YLPM1: variants seen among roughly 807,000 people sequenced by gnomAD.
The protein encoded by YLPM1 is YLP motif-containing protein 1.
A neutral mutation model predicts 230.0 loss-of-function variants in YLPM1; 99 were observed. That is an observed-to-expected ratio of 0.43 (90% CI 0.37 to 0.51). The LOEUF is 0.51. Ranked by LOEUF, YLPM1 falls within the 20% of genes least tolerant of loss-of-function variation. The pLI, the probability that YLPM1 is intolerant of heterozygous loss-of-function variation, is 0.00. For missense variants in YLPM1, 2,592 were observed against 2,707.7 expected, an observed-to-expected ratio of 0.96 and a Z score of 0.95; for synonymous variants, 984 against 942.5, an observed-to-expected ratio of 1.04 and a Z score of -0.81.
rs778519222 is a variant in YLPM1, at chr14:74,816,294, T to C, written c.5565+29T>C. 21 of 1,592,996 alleles carry C rather than the reference T, an allele frequency of 1.3e-5. No individual in the cohort carries two copies. In the African/African-American group the frequency reaches 2.1e-4, roughly 16 times the overall value. ...AGTATGGGGAAGCTGAAAAATCAGC[T>C]GCTTGTGCTGCTTGTGTTAGTAGTC... On this transcript the variant is annotated intron_variant, in intron 12 of 20. Coordinates refer to ENST00000325680, the MANE Select transcript of YLPM1 (RefSeq NM_019589.3).
rs576412335 is a variant in YLPM1, at chr14:74,770,241, G to A, written c.873+5879G>A. Among the ~76,000 whole-genome samples the A allele has an allele frequency of 5.3e-5, 8 of 151,454 alleles. No homozygotes were observed. The East Asian group carries it at 9.8e-4, about 19-fold the overall frequency. On this transcript the variant is annotated intron_variant, in intron 1 of 20. Transcript: ENST00000325680. ...CATGCCTGTAGTGCCGGCTACTTGC[G>A]GGTGGCTGAGGTGGGAGGATTGTTT...
chr14:74,812,350 A>G (rs1303908605), intron 10 of YLPM1, among the ~76,000 whole-genome samples: 1 of 152,202 alleles, frequency 6.6e-6, no homozygotes, highest in Non-Finnish European at 1.5e-5. Context: ...TTATTCTTCC[A>G]TGTCCTGTTG....
At chr14:74,774,616 C>T (rs1375101360) in intron 1 of YLPM1, among the ~76,000 whole-genome samples, 3 of 152,150 alleles carry the variant, frequency 2.0e-5, no homozygotes, top group African/African-American at 7.2e-5. Context: ...CCGTGTTAGC[C>T]AGGATGGTCT....
chr14:74,775,550 A>G (rs1465296200), intron 1 of YLPM1, among the ~76,000 whole-genome samples: 1 of 152,202 alleles, frequency 6.6e-6, no homozygotes, highest in Non-Finnish European at 1.5e-5. Context: ...CCAAAAGTTT[A>G]TTGTAAAACA....
At chr14:74,834,064 T>C (rs2091626279) in intron 19 of YLPM1, among the ~76,000 whole-genome samples, 1 of 152,036 alleles carries the variant, frequency 6.6e-6, no homozygotes, top group East Asian at 1.9e-4. Context: ...TAACATAATA[T>C]GTGGCTGGGC....
chr14:74,817,194 G>A lies in YLPM1; in HGVS notation c.5863G>A (p.Val1955Ile), dbSNP rs763768284. ...CTAATTATTATTCATTCTTGCTTAG[G>A]TATATTTGGCTGAAATGAGTGCAGA... ...WSAAKTKGFE[V>I]YLAEMSADNQ... The change falls in exon 15 of 21, where the codon GTA becomes ATA. Residue 1955 changes from valine to isoleucine, a missense_variant and splice_region_variant. Val to Ile is a conservative substitution (Grantham distance 29, BLOSUM62 3). This residue lies in a region of YLPM1 where 315 missense variants were observed against 429.3 expected (regional missense o/e 0.73). Transcript: ENST00000325680. The A allele has an allele frequency of 1.2e-6, 2 of 1,601,456 alleles. No homozygotes were observed. Among genetic ancestry groups the A allele is most frequent in the South Asian group, 1.1e-5 (1 of 88,696 alleles).
chr14:74,809,891 C>T lies in YLPM1; in HGVS notation c.4940-19C>T, dbSNP rs746904616. On this transcript the variant is annotated intron_variant, in intron 7 of 20. Transcript: ENST00000325680. ...TAGCTTCACTCTTACAGTACTTTAT[C>T]TCTGATTTTGTTTACCAGATATATC... The T allele has an allele frequency of 1.6e-5, 25 of 1,603,914 alleles. No individual in the cohort carries two copies. In the South Asian group the frequency reaches 2.6e-4, roughly 17 times the overall value.
At position 74,812,671 on chromosome 14, in the gene YLPM1, T is replaced by G; in HGVS notation, c.5391T>G (p.Ala1797=). ...CTGAGGAGCGAATGCCTCTGCCAGC[T>G]CCTTCACTGAGCCACCAGCCTCCTC... ...TYPEERMPLP[A]PSLSHQPPPA... Residue 1797 remains alanine (A), a synonymous_variant, in exon 11 of 21, where the codon GCT becomes GCG. Coordinates refer to ENST00000325680, the MANE Select transcript of YLPM1 (RefSeq NM_019589.3). The G allele has an allele frequency of 1.2e-6, 2 of 1,613,590 alleles. No individual in the cohort carries two copies. The highest frequency in any genetic ancestry group is 1.7e-6 in the Non-Finnish European group (2 of 1,179,724).
intron 4 of YLPM1, among the ~76,000 whole-genome samples, chr14:74,791,297 A>G (rs1446032879): frequency 6.6e-6 from 1 of 152,180 alleles, no homozygotes; most frequent in Admixed American, 6.5e-5. Context: ...TCAAATAGTG[A>G]TAAATATTTG....
intron 1 of YLPM1, among the ~76,000 whole-genome samples, chr14:74,770,937 T>C (rs1594807544): frequency 6.6e-6 from 1 of 152,186 alleles, no homozygotes; most frequent in East Asian, 1.9e-4. Context: ...GTTTAGACTT[T>C]GATGGTATTA....
chr14:74,793,027 A>G (rs1389111632), intron 4 of YLPM1, among the ~76,000 whole-genome samples: 1 of 152,080 alleles, frequency 6.6e-6, no homozygotes, highest in Non-Finnish European at 1.5e-5. Flanking sequence ...TCATTGTTCT[A>G]TTTTGTTCTA....
chr14:74,835,136 T>G, intron 19 of YLPM1, 129 bp from the exon 20 acceptor site: 2 of 1,187,076 alleles, frequency 1.7e-6, no homozygotes, highest in Non-Finnish European at 2.3e-6. Context: ...TTTTCCTGGG[T>G]TAGTTTTTAA....
intron 19 of YLPM1, among the ~76,000 whole-genome samples, chr14:74,830,229 A>G (rs1403459303): frequency 2.6e-5 from 4 of 152,210 alleles, no homozygotes; most frequent in African/African-American, 7.2e-5. Context: ...GGAGCAGATT[A>G]AAGAATGAAT....
chr14:74,830,250 GA>G (rs2091598001), intron 19 of YLPM1, among the ~76,000 whole-genome samples: 1 of 152,072 alleles, frequency 6.6e-6, no homozygotes, highest in South Asian at 2.1e-4. Flanking sequence ...AAGAAATGAT[GA>G]AGTACAGTAC....
chr14:74,786,361 CAAAAAAAAAAA>C (rs57016882), intron 4 of YLPM1, among the ~76,000 whole-genome samples: 5 of 80,214 alleles, frequency 6.2e-5, no homozygotes, highest in Admixed American at 1.4e-4. Flanking sequence ...GACTCCGTCT[CAAAAAAAAAAA>C]AAAAAAAAAA....
Position 74,809,623 on chromosome 14 carries a change from C to A in YLPM1, c.4765C>A (p.Gln1589Lys). ...TGGGCTCTGGGATACAAATGATGAACAAGGACTGAATTCAGAATTTAAGTC... is the reference window on the plus strand; with the variant it reads ...TGGGCTCTGGGATACAAATGATGAAAAAGGACTGAATTCAGAATTTAAGTC... ...FYGLWDTNDEQGLNSEFKSET... is the reference protein window; with the variant it reads ...FYGLWDTNDEKGLNSEFKSET... Residue 1589 changes from glutamine to lysine, a missense_variant, in exon 7 of 21, where the codon CAA becomes AAA. Physicochemically the swap from Gln to Lys is moderately conservative, Grantham distance 53. Around this residue, in one of 4 missense-constraint regions of YLPM1, gnomAD observed 403 missense variants for 426.7 expected, o/e 0.94. Transcript: ENST00000325680. 6.2e-7 allele frequency: 1 copy of A among 1,614,022 alleles called. No homozygotes were observed. Among genetic ancestry groups the A allele is most frequent in the Non-Finnish European group, 8.5e-7 (1 of 1,179,892 alleles).
At chr14:74,776,135 T>G (rs2091035291) in intron 1 of YLPM1, among the ~76,000 whole-genome samples, 1 of 152,276 alleles carries the variant, frequency 6.6e-6, no homozygotes, top group Admixed American at 6.5e-5. Flanking sequence ...TGTAGTTTTT[T>G]TCTGAGTGGT....
At chr14:74,821,564 G>A (rs546775231) in intron 17 of YLPM1, 1 of 152,700 alleles carries the variant, frequency 6.5e-6, no homozygotes, top group Non-Finnish European at 1.5e-5. Context: ...TTATTGAATG[G>A]GGAGGCAGAG....
At chr14:74,830,914 G>T (rs1237902053) in intron 19 of YLPM1, among the ~76,000 whole-genome samples, 1 of 152,178 alleles carries the variant, frequency 6.6e-6, no homozygotes, top group Non-Finnish European at 1.5e-5. Context: ...TTCAACATGA[G>T]ATTTGAAGGG....
Sources: gnomAD v4.1 joint callset for allele counts (sites outside exome capture counted in the v4.1 genomes callset) on GRCh38, gnomAD v4.1.1 for gene constraint, gnomAD v4.1.1 regional missense constraint, MANE v1.5 for transcripts, NCBI Gene and HGNC (gene_info 2026-07-23, HGNC 2026-07-21) for gene names.